NCAM1: variants seen among roughly 807,000 people sequenced by gnomAD.
NCAM1 encodes the protein antigen recognized by monoclonal antibody 5.1H11.
Under a neutral mutation model 109.8 loss-of-function variants are expected in NCAM1, and 14 were observed. The ratio of observed to expected loss-of-function variants is 0.13; its 90% CI spans 0.08 to 0.20. The LOEUF (loss-of-function observed/expected upper bound fraction) is 0.20, where lower values mean the gene tolerates loss of function less well. Among genes scored for constraint, NCAM1 ranks in the 10% least tolerant of loss-of-function variants. The pLI, the probability that NCAM1 is intolerant of heterozygous loss-of-function variation, is 1.00. For missense variants in NCAM1, 774 were observed against 1,109.9 expected, an observed-to-expected ratio of 0.70 and a Z score of 4.30; for synonymous variants, 418 against 442.9, an observed-to-expected ratio of 0.94 and a Z score of 0.70.
intron 15 of NCAM1, among the ~76,000 whole-genome samples, chr11:113,249,000 A>G (rs974493972): frequency 3.3e-5 from 5 of 152,178 alleles, no homozygotes; most frequent in Admixed American, 3.3e-4. Flanking sequence ...GACTCTGTGT[A>G]AATGGGACTC....
chr11:113,251,720 G>C (rs79085923), intron 15 of NCAM1, among the ~76,000 whole-genome samples: 1 of 152,106 alleles, frequency 6.6e-6, no homozygotes, highest in South Asian at 2.1e-4. Flanking sequence ...CTGCTGAATC[G>C]CAAACCAACA....
intron 1 of NCAM1, among the ~76,000 whole-genome samples, chr11:113,024,826 T>C (rs577488636): frequency 6.6e-6 from 1 of 152,184 alleles, no homozygotes; most frequent in Non-Finnish European, 1.5e-5. Flanking sequence ...AGGAAGATTG[T>C]TTAGGATATT....
At chr11:113,171,610 G>A (rs1555106252) in intron 1 of NCAM1, among the ~76,000 whole-genome samples, 1 of 151,732 alleles carries the variant, frequency 6.6e-6, no homozygotes, top group Non-Finnish European at 1.5e-5. Flanking sequence ...CTGCAGCCTA[G>A]GCGACAGAGT....
chr11:113,256,519 G>C (rs563344548), intron 16 of NCAM1, among the ~76,000 whole-genome samples: 124 of 152,292 alleles, frequency 8.1e-4, no homozygotes, highest in Admixed American at 4.5e-3. Context: ...GGGTGAGGCA[G>C]TTTGAATCCA....
chr11:112,979,834 A>G (rs1343928700), intron 1 of NCAM1, among the ~76,000 whole-genome samples: 1 of 151,832 alleles, frequency 6.6e-6, no homozygotes, highest in African/African-American at 2.4e-5. Flanking sequence ...GAACCTTTTT[A>G]TAAAAATCTG....
At chr11:113,182,512 G>A (rs574610140) in intron 1 of NCAM1, among the ~76,000 whole-genome samples, 4 of 152,266 alleles carry the variant, frequency 2.6e-5, no homozygotes, top group Non-Finnish European at 5.9e-5. Flanking sequence ...TGCCTCCCAC[G>A]TACTAGGCAC....
chr11:113,086,665 T>C (rs1203597960), intron 1 of NCAM1, among the ~76,000 whole-genome samples: 3 of 152,182 alleles, frequency 2.0e-5, no homozygotes. Context: ...GCCACACATT[T>C]TGGTTTGCCA....
chr11:113,220,166 G>A lies in NCAM1; in HGVS notation c.1060-1130G>A, dbSNP rs3781876. On this transcript the variant is annotated intron_variant, in intron 8 of 19. Coordinates refer to ENST00000316851, the MANE Select transcript of NCAM1 (RefSeq NM_181351.5). ...GTATGAAAAACAGATAAACTGTAAG[G>A]AGAATAGATTCCCAAGTGCTGGAGA... 7.2e-3 allele frequency among the ~76,000 whole-genome samples: 1,095 copies of A among 152,286 alleles called. 77 individuals are homozygous for A. The East Asian group carries it at 0.17, about 24-fold the overall frequency.
rs1950627204 is a variant in NCAM1, at chr11:112,963,437, CA to C, written c.52+1774del. The C allele has an allele frequency of 6.6e-6, 1 of 152,174 alleles. No homozygotes were observed. The highest frequency in any genetic ancestry group is 2.4e-5 in the African/African-American group (1 of 41,440). 9.4% of individuals were successfully genotyped at this position (152,174 alleles called of 1,614,324 possible). A position where few individuals can be genotyped will look rare whatever the true frequency, so the allele number is the denominator to read the frequency against. On this transcript the variant is annotated intron_variant, in intron 1 of 19. Coordinates refer to ENST00000316851, the MANE Select transcript of NCAM1 (RefSeq NM_181351.5). The surrounding 1 kb of genome is among the most constrained non-coding windows in gnomAD (Gnocchi z 4.6). ...CGCGTCGCCGGGGAGGGCATCCTGGCAGGCACACCTACGCGCGTGCGCTGAC... is the reference window on the plus strand; with the variant it reads ...CGCGTCGCCGGGGAGGGCATCCTGGCGGCACACCTACGCGCGTGCGCTGAC...
chr11:113,240,313 T>C (rs1383821961), intron 14 of NCAM1, among the ~76,000 whole-genome samples: 6 of 152,250 alleles, frequency 3.9e-5, no homozygotes, highest in African/African-American at 1.2e-4. Flanking sequence ...GTGAGGCATA[T>C]AGGTTTTGCT....
intron 8 of NCAM1, among the ~76,000 whole-genome samples, chr11:113,216,235 G>A (rs888603409): frequency 5.0e-5 from 7 of 139,214 alleles, no homozygotes; most frequent in East Asian, 2.4e-4. Context: ...TGCAGGCTCC[G>A]CCCCCTGGGG....
chr11:113,164,538 G>A (rs1407572605), intron 1 of NCAM1, among the ~76,000 whole-genome samples: 2 of 152,094 alleles, frequency 1.3e-5, no homozygotes, highest in Non-Finnish European at 2.9e-5. Context: ...CCCTCCTTAG[G>A]TTCCATGATT....
chr11:113,235,513 C>T (rs1440247644), intron 14 of NCAM1, among the ~76,000 whole-genome samples: 1 of 152,226 alleles, frequency 6.6e-6, no homozygotes, highest in Non-Finnish European at 1.5e-5. Context: ...CGACAGGCCA[C>T]AGAAGCCCTA....
At chr11:113,070,292 C>G (rs1555085065) in intron 1 of NCAM1, among the ~76,000 whole-genome samples, 1 of 151,928 alleles carries the variant, frequency 6.6e-6, no homozygotes, top group Non-Finnish European at 1.5e-5. Flanking sequence ...AAGAAAATAG[C>G]AAGAAGAGTG....
At chr11:113,202,780 T>C (rs1555112127) in intron 2 of NCAM1, among the ~76,000 whole-genome samples, 1 of 152,218 alleles carries the variant, frequency 6.6e-6, no homozygotes, top group Non-Finnish European at 1.5e-5. Flanking sequence ...CAGAGTTCTG[T>C]AAATGACAAT....
In NCAM1 at chr11:113,170,229, G is replaced by T. The variant is rs181769278; in HGVS notation, c.53-32150G>T. Among the ~76,000 whole-genome samples, 115 of 152,304 alleles carry T rather than the reference G, an allele frequency of 7.6e-4. 3 individuals are homozygous for T. The highest frequency in any genetic ancestry group is 7.5e-3 in the Admixed American group (115 of 15,304). On this transcript the variant is annotated intron_variant, in intron 1 of 19. Transcript: ENST00000316851. ...CCCAGCACTCCATGGCTAATAGAGGGAGAGGGTTCCAGGCCTCATACCAAG... is the reference window on the plus strand; with the variant it reads ...CCCAGCACTCCATGGCTAATAGAGGTAGAGGGTTCCAGGCCTCATACCAAG...
At chr11:113,084,412 G>C (rs1555087886) in intron 1 of NCAM1, among the ~76,000 whole-genome samples, 1 of 152,176 alleles carries the variant, frequency 6.6e-6, no homozygotes, top group Admixed American at 6.5e-5. Flanking sequence ...TTCAATGTAA[G>C]TAAGAGTGAA....
intron 1 of NCAM1, among the ~76,000 whole-genome samples, chr11:113,043,528 G>A (rs1953151499): frequency 1.3e-5 from 2 of 152,034 alleles, no homozygotes; most frequent in Non-Finnish European, 2.9e-5. Flanking sequence ...GTAGAGACAG[G>A]GTTTCACCAT....
chr11:113,246,489 T>C (rs1945506907), intron 15 of NCAM1, 119 bp downstream of exon 15: 2 of 671,190 alleles, frequency 3.0e-6, no homozygotes, highest in Middle Eastern at 3.7e-4. Context: ...GATTTCCTCT[T>C]GTTCTCAATT....
Sources: allele counts gnomAD v4.1 joint callset (sites outside exome capture counted in the v4.1 genomes callset), GRCh38; gene constraint gnomAD v4.1.1; non-coding constraint Gnocchi (gnomAD v3.1); transcripts MANE v1.5; gene names NCBI Gene and HGNC (gene_info 2026-07-23, HGNC 2026-07-21).